The following TRAM2 variants were observed in gnomAD, a reference collection of about 807,000 sequenced individuals.
TRAM2 encodes translocating chain-associated membrane protein 2.
Under a neutral mutation model 51.0 loss-of-function variants are expected in TRAM2, and 12 were observed. That is an observed-to-expected ratio of 0.24 (90% CI 0.15 to 0.38). The LOEUF (loss-of-function observed/expected upper bound fraction) is 0.38. Among genes scored for constraint, TRAM2 ranks in the 10% least tolerant of loss-of-function variants. The probability of loss-of-function intolerance (pLI) is 1.00; values close to 1 mark genes in which losing one functional copy is unlikely to be tolerated. For synonymous variants in TRAM2, 175 were observed against 179.4 expected (o/e 0.98, Z 0.20); for missense variants, 361 against 462.0 (o/e 0.78, Z 2.00).
At chr6:52,545,901 A>G (rs2114093847) in intron 1 of TRAM2, among the ~76,000 whole-genome samples, 1 of 152,050 alleles carries the variant, frequency 6.6e-6, no homozygotes, top group South Asian at 2.1e-4. Context: ...TTTTGCTCCA[A>G]CCCCACACCC....
chr6:52,570,803 C>A (rs200822771), intron 1 of TRAM2, among the ~76,000 whole-genome samples: 7 of 122,734 alleles, frequency 5.7e-5, no homozygotes, highest in African/African-American at 2.1e-4. Flanking sequence ...CCACCCCCCC[C>A]CCCACACGCA....
intron 1 of TRAM2, among the ~76,000 whole-genome samples, chr6:52,549,903 C>T (rs1767279063): frequency 6.6e-6 from 1 of 152,122 alleles, no homozygotes; most frequent in Non-Finnish European, 1.5e-5. Context: ...AACGTCTGTC[C>T]AAAAGTCCTA....
chr6:52,522,932 G>C, intron 2 of TRAM2: 1 of 702,394 alleles, frequency 1.4e-6, no homozygotes, highest in Non-Finnish European at 2.6e-6. Context: ...TCCCAGTCCT[G>C]TCTGGATCCC....
intron 2 of TRAM2, among the ~76,000 whole-genome samples, chr6:52,532,781 C>A (rs1378081970): frequency 1.3e-5 from 2 of 151,902 alleles, no homozygotes; most frequent in Non-Finnish European, 2.9e-5. Context: ...ATCGAGGACA[C>A]ACAAAAAGGT....
In TRAM2 at chr6:52,516,726, C is replaced by T. The variant is rs769069443; in HGVS notation, c.196G>A (p.Val66Met). 2.1e-5 allele frequency: 34 copies of T among 1,613,072 alleles called. No individual in the cohort carries two copies. Among genetic ancestry groups the T allele is most frequent in the African/African-American group, 1.5e-4 (11 of 74,860 alleles). Residue 66 changes from valine (V) to methionine (M), a missense_variant, in exon 3 of 11, where the codon GTG becomes ATG. Coordinates refer to ENST00000182527, the MANE Select transcript of TRAM2 (RefSeq NM_012288.4). ...ISVPTADSET[V>M]HYHYGPKDLV... is the part of the protein sequence containing the mutation. ...TCCTTAGGGCCATAGTGGTAGTGCA[C>T]GGTCTCACTGTCTGTGGAGGTAATA...
chr6:52,562,414 G>A (rs1300210417), intron 1 of TRAM2, among the ~76,000 whole-genome samples: 1 of 152,164 alleles, frequency 6.6e-6, no homozygotes, highest in African/African-American at 2.4e-5. Context: ...TGTATGAGGT[G>A]CCAGAGGCAA....
At chr6:52,521,064 G>A (rs904628245) in intron 2 of TRAM2, among the ~76,000 whole-genome samples, 5 of 151,936 alleles carry the variant, frequency 3.3e-5, no homozygotes, top group Admixed American at 1.3e-4. Flanking sequence ...CACCAGTTCC[G>A]GCAAATTTTT....
At chr6:52,530,569 T>C (rs1353510888) in intron 2 of TRAM2, among the ~76,000 whole-genome samples, 1 of 152,140 alleles carries the variant, frequency 6.6e-6, no homozygotes, top group Admixed American at 6.5e-5. Context: ...AATACGACTG[T>C]GTCCTTATGA....
chr6:52,541,803 G>GTTTTTTTTTTTTTTTTTTTTT (rs56919932), intron 1 of TRAM2, among the ~76,000 whole-genome samples: 11 of 138,698 alleles, frequency 7.9e-5, no homozygotes, highest in African/African-American at 2.7e-4. Context: ...AGTTTATTCT[G>GTTTTTTTTTTTTTTTTTTTTT]TTTTTTTTTT....
intron 9 of TRAM2, among the ~76,000 whole-genome samples, 199 bp downstream of exon 9, chr6:52,505,400 C>T (rs1371386079): frequency 1.3e-5 from 2 of 152,190 alleles, no homozygotes; most frequent in African/African-American, 4.8e-5. Flanking sequence ...CTGAGCAAAC[C>T]AGGACTAGGG....
intron 1 of TRAM2, among the ~76,000 whole-genome samples, chr6:52,563,848 CTTAT>C (rs1450287603): frequency 8.0e-6 from 1 of 124,444 alleles, no homozygotes; most frequent in Non-Finnish European, 1.6e-5. Flanking sequence ...ATCAAAAACA[CTTAT>C]TTTTTTTTTT....
chr6:52,521,632 G>A (rs910860612), intron 2 of TRAM2, among the ~76,000 whole-genome samples: 18 of 152,042 alleles, frequency 1.2e-4, no homozygotes, highest in South Asian at 4.2e-4. Context: ...GGGAGGGGAA[G>A]CTTGCAGTGA....
intron 1 of TRAM2, among the ~76,000 whole-genome samples, chr6:52,536,385 C>A (rs865790670): frequency 3.9e-5 from 6 of 152,208 alleles, no homozygotes; most frequent in African/African-American, 1.4e-4. Context: ...GAAGTAACAT[C>A]CCACATTCCT....
intron 1 of TRAM2, among the ~76,000 whole-genome samples, chr6:52,574,470 C>T (rs981133032): frequency 6.6e-6 from 1 of 152,192 alleles, no homozygotes; most frequent in Non-Finnish European, 1.5e-5. Flanking sequence ...TAGGGCAAAG[C>T]CCTCTTTCTC....
intron 7 of TRAM2, 90 bp downstream of exon 7, chr6:52,507,463 A>G (rs369193314): frequency 7.3e-7 from 1 of 1,365,628 alleles, no homozygotes. Context: ...AGAGGATGTC[A>G]ACAAATGCCT....
chr6:52,550,327 T>C (rs1767285545), intron 1 of TRAM2, among the ~76,000 whole-genome samples: 1 of 152,166 alleles, frequency 6.6e-6, no homozygotes, highest in Non-Finnish European at 1.5e-5. Context: ...GCTCCCCACG[T>C]TCGCAAGCCT....
intron 2 of TRAM2, among the ~76,000 whole-genome samples, chr6:52,525,445 T>C (rs879454848): frequency 6.6e-6 from 1 of 152,194 alleles, no homozygotes; most frequent in Non-Finnish European, 1.5e-5. Flanking sequence ...AGCATCACCA[T>C]AGTTCTCAGA....
Position 52,498,955 on chromosome 6 carries a change from G to A in TRAM2, c.*4242C>T, listed in dbSNP as rs1766148153. The A allele has an allele frequency of 6.6e-6, 1 of 152,462 alleles. No individual in the cohort carries two copies. The highest frequency in any genetic ancestry group is 1.5e-5 in the Non-Finnish European group (1 of 68,040). 9.4% of individuals were successfully genotyped at this position (152,462 alleles called of 1,614,324 possible). On this transcript the variant is annotated 3_prime_UTR_variant, in exon 11 of 11. Coordinates refer to ENST00000182527, the MANE Select transcript of TRAM2 (RefSeq NM_012288.4). ...TCTACAGGGGTTGCCAAGCACGAAA[G>A]GCTACATGGAGACTGCAAATCCCAA...
intron 2 of TRAM2, among the ~76,000 whole-genome samples, chr6:52,518,181 G>C (rs1216910844): frequency 6.6e-6 from 1 of 152,212 alleles, no homozygotes; most frequent in East Asian, 1.9e-4. Context: ...TCTGGCTAGG[G>C]TGGAGGTTGT....
Sources: gnomAD v4.1 joint callset for allele counts (sites outside exome capture counted in the v4.1 genomes callset) on GRCh38, gnomAD v4.1.1 for gene constraint, MANE v1.5 for transcripts, NCBI Gene and HGNC (gene_info 2026-07-23, HGNC 2026-07-21) for gene names.